The following HADHA variants were observed in gnomAD, a reference collection of about 807,000 sequenced individuals.
The protein encoded by HADHA is trifunctional enzyme subunit alpha, mitochondrial.
In HADHA, 59 loss-of-function variants were observed where a neutral mutation model predicts 91.3. The observed-to-expected ratio is 0.65, with a 90% CI of 0.52 to 0.80. HADHA has a LOEUF of 0.80. HADHA is among the 30% of genes least tolerant of loss of function. The probability of loss-of-function intolerance (pLI) is 0.00; values close to 1 mark genes in which losing one functional copy is unlikely to be tolerated. For missense variants in HADHA, 800 were observed against 927.6 expected (o/e 0.86, Z 1.79); for synonymous variants, 320 against 338.9 (o/e 0.94, Z 0.61).
intron 3 of HADHA, among the ~76,000 whole-genome samples, chr2:26,237,457 C>A (rs1670789748): frequency 6.6e-6 from 1 of 151,896 alleles, no homozygotes; most frequent in Non-Finnish European, 1.5e-5. Flanking sequence ...TGGAACCTTG[C>A]CTCTACAGAA....
In HADHA at chr2:26,229,259, G is replaced by A. The variant is rs1406312346; in HGVS notation, c.676+933C>T. Among the ~76,000 whole-genome samples, 1 of 151,764 alleles carries A rather than the reference G, an allele frequency of 6.6e-6. No homozygotes were observed. The highest frequency in any genetic ancestry group is 1.5e-5 in the Non-Finnish European group (1 of 67,996). On this transcript the variant is annotated intron_variant, in intron 7 of 19. Transcript: ENST00000380649. This position sits in a 1 kb window ranked among gnomAD's most constrained non-coding sequence, Gnocchi z 4.3. ...GGGCACAAGTGGGAAGATCATTTGA[G>A]CCCAAAAAGTTGAGGTTGCAACAAG... is the stretch of plus-strand genomic sequence containing the variant.
chr2:26,233,262 T>C (rs933194963), intron 5 of HADHA, among the ~76,000 whole-genome samples: 2 of 152,180 alleles, frequency 1.3e-5, no homozygotes, highest in South Asian at 2.1e-4. Context: ...CATGTGACTA[T>C]TGAATACTGT....
intron 14 of HADHA, among the ~76,000 whole-genome samples, chr2:26,196,665 T>A (rs1005298902): frequency 6.6e-6 from 1 of 152,112 alleles, no homozygotes; most frequent in Non-Finnish European, 1.5e-5. Context: ...TTTAAATGAA[T>A]GACAAAAGGC....
intron 7 of HADHA, among the ~76,000 whole-genome samples, chr2:26,228,542 G>A (rs1486892300): frequency 6.6e-6 from 1 of 152,090 alleles, no homozygotes; most frequent in Non-Finnish European, 1.5e-5. Flanking sequence ...AACAAACTAT[G>A]GTACATTTCT....
chr2:26,207,222 C>A (rs1057204684), intron 11 of HADHA, among the ~76,000 whole-genome samples: 9 of 151,598 alleles, frequency 5.9e-5, no homozygotes, highest in African/African-American at 9.7e-5. Flanking sequence ...CACCCCTTTC[C>A]CCTAACAAAA....
At chr2:26,244,508 G>C in intron 1 of HADHA, 22 bp downstream of exon 1, 1 of 1,562,942 alleles carries the variant, frequency 6.4e-7, no homozygotes, top group Non-Finnish European at 8.7e-7. Context: ...GGAGGTCTGG[G>C]ATGCCCTCGG....
At position 26,214,462 on chromosome 2, in the gene HADHA, G is replaced by T; in HGVS notation, c.899C>A (p.Ala300Glu). ...VRKQTKGLYPAPLKIIDVVKT... is the reference protein window; with the variant it reads ...VRKQTKGLYPEPLKIIDVVKT... Reference sequence around the variant, plus strand: ...ACTCACATCAATTATTTTCAGAGGTGCAGGATAAAGGCCTTTAGTCTGCTT... The same window carrying T: ...ACTCACATCAATTATTTTCAGAGGTTCAGGATAAAGGCCTTTAGTCTGCTT... Residue 300 changes from alanine to glutamate, a missense_variant, in exon 9 of 20, where the codon GCA becomes GAA. Ala to Glu is a moderately radical substitution (Grantham distance 107). Coordinates refer to ENST00000380649, the MANE Select transcript of HADHA (RefSeq NM_000182.5). The surrounding 1 kb of genome is among the most constrained non-coding windows in gnomAD (Gnocchi z 4.1). 6.5e-7 allele frequency: 1 copy of T among 1,538,526 alleles called. No homozygotes were observed. Among genetic ancestry groups the T allele is most frequent in the Non-Finnish European group, 9.0e-7 (1 of 1,112,908 alleles).
chr2:26,213,575 A>G (rs1431901744), intron 9 of HADHA, among the ~76,000 whole-genome samples: 2 of 152,038 alleles, frequency 1.3e-5, no homozygotes, highest in Non-Finnish European at 2.9e-5. Context: ...CCTTGGCAAT[A>G]CTTTCCCTCC....
At chr2:26,209,365 AAAG>A (rs1304311465) in intron 11 of HADHA, among the ~76,000 whole-genome samples, 1 of 152,236 alleles carries the variant, frequency 6.6e-6, no homozygotes, top group Non-Finnish European at 1.5e-5. Flanking sequence ...TTGTAAGCTA[AAAG>A]AAGGACAAGA....
rs1270807211 is a variant in HADHA, at chr2:26,191,115, T to G, written c.*135A>C. The G allele has an allele frequency of 4.6e-6, 4 of 874,746 alleles. No individual in the cohort carries two copies. The highest frequency in any genetic ancestry group is 7.4e-6 in the Non-Finnish European group (4 of 537,176). 54.2% of individuals were successfully genotyped at this position (874,746 alleles called of 1,614,324 possible). A position where few individuals can be genotyped will look rare whatever the true frequency, so the allele number is the denominator to read the frequency against. ...GAGAGATGGTCTTGGCTGAAGGCAC[T>G]TTAATCAGGGAGCAAACCCAGTGCC... On this transcript the variant is annotated 3_prime_UTR_variant, in exon 20 of 20. Coordinates refer to ENST00000380649, the MANE Select transcript of HADHA (RefSeq NM_000182.5).
At chr2:26,228,634 G>A (rs1238265225) in intron 7 of HADHA, among the ~76,000 whole-genome samples, 6 of 152,136 alleles carry the variant, frequency 3.9e-5, no homozygotes, top group Non-Finnish European at 1.5e-5. Flanking sequence ...ATTATGCTAA[G>A]TGAACGAAGA....
rs138966725 is a variant in HADHA at position 26,191,498 on chromosome 2, G to A, written c.2131C>T (p.Pro711Ser). Residue 711 changes from proline (P) to serine (S), a missense_variant, in exon 19 of 20, where the codon CCG becomes TCG. Physicochemically the swap from Pro to Ser is moderately conservative, Grantham distance 74 (BLOSUM62 -1). Transcript: ENST00000380649. ...CGAGACCAACCTCCCAGACAAGGCG[G>A]GAAGCCAAGCCCAAAGACGGCTCCG... Reference protein sequence around the residue: ...DIGAVFGLGFPPCLGGPFRFV... With the variant: ...DIGAVFGLGFSPCLGGPFRFV... 3 of 1,614,060 alleles carry A rather than the reference G, an allele frequency of 1.9e-6. No individual in the cohort carries two copies. The African/African-American group carries it at 4.0e-5, about 22-fold the overall frequency.
chr2:26,198,283 C>T (rs1381819855), intron 13 of HADHA, among the ~76,000 whole-genome samples: 2 of 152,082 alleles, frequency 1.3e-5, no homozygotes, highest in Non-Finnish European at 2.9e-5. Context: ...TACACAAATA[C>T]TATTAACTAT....
intron 18 of HADHA, 120 bp from the exon 19 acceptor site, chr2:26,191,748 T>G: frequency 1.0e-6 from 1 of 995,846 alleles, no homozygotes; most frequent in South Asian, 1.3e-5. Flanking sequence ...CGGTTGGTGC[T>G]GGCCCTCAGA....
At chr2:26,192,870 A>G (rs545146779) in intron 17 of HADHA, among the ~76,000 whole-genome samples, 7 of 152,248 alleles carry the variant, frequency 4.6e-5, no homozygotes, top group Non-Finnish European at 1.0e-4. Flanking sequence ...AGTCTTTGTC[A>G]GAAGAGTGGG....
At position 26,229,374 on chromosome 2, in the gene HADHA, A is replaced by ACACACACACACACAC; in HGVS notation, c.676+817_676+818insGTGTGTGTGTGTGTG. On this transcript the variant is annotated intron_variant, in intron 7 of 19. Coordinates refer to ENST00000380649, the MANE Select transcript of HADHA (RefSeq NM_000182.5). The surrounding 1 kb of genome is among the most constrained non-coding windows in gnomAD (Gnocchi z 4.3). ...CACACACACACACACACACACACAC[A>ACACACACACACACAC]AAATTAATACATTTACTATTATGTA... 6.6e-6 allele frequency among the ~76,000 whole-genome samples: 1 copy of ACACACACACACACAC among 151,476 alleles called. No individual in the cohort carries two copies. Among genetic ancestry groups the ACACACACACACACAC allele is most frequent in the African/African-American group, 2.4e-5 (1 of 41,214 alleles).
At chr2:26,219,138 TA>T (rs1050967592) in intron 7 of HADHA, among the ~76,000 whole-genome samples, 5 of 150,834 alleles carry the variant, frequency 3.3e-5, no homozygotes, top group Non-Finnish European at 4.4e-5. Flanking sequence ...AAAATATATA[TA>T]TTTTTTTGAG....
chr2:26,213,332 T>C (rs1395044429), intron 9 of HADHA, among the ~76,000 whole-genome samples: 2 of 152,216 alleles, frequency 1.3e-5, no homozygotes, highest in Non-Finnish European at 2.9e-5. Context: ...CTGCTCTACT[T>C]TGTCTCTCCT....
At chr2:26,243,733 G>A (rs529743695) in intron 1 of HADHA, among the ~76,000 whole-genome samples, 9 of 152,316 alleles carry the variant, frequency 5.9e-5, no homozygotes, top group African/African-American at 2.2e-4. Context: ...TGACTTTACA[G>A]ATTTGGGATG....
Sources: allele counts gnomAD v4.1 joint callset (sites outside exome capture counted in the v4.1 genomes callset), GRCh38; gene constraint gnomAD v4.1.1; non-coding constraint Gnocchi (gnomAD v3.1); transcripts MANE v1.5; gene names NCBI Gene and HGNC (gene_info 2026-07-23, HGNC 2026-07-21).